GLI3: variants seen among roughly 807,000 people sequenced by gnomAD.
GLI3 encodes GLI family zinc finger 3.
In GLI3, 20 loss-of-function variants were observed where a neutral mutation model predicts 100.8. The ratio of observed to expected loss-of-function variants is 0.20; its 90% CI spans 0.14 to 0.29. GLI3 has a LOEUF of 0.29. GLI3 is among the 10% of genes least tolerant of loss of function. GLI3 has a pLI of 1.00. For missense variants in GLI3, 2,040 were observed against 2,128.5 expected (o/e 0.96, Z 0.82); for synonymous variants, 938 against 860.5 (o/e 1.09, Z -1.58).
chr7:42,004,804 T>G (rs1412710524), intron 10 of GLI3, among the ~76,000 whole-genome samples: 1 of 152,170 alleles, frequency 6.6e-6, no homozygotes, highest in Non-Finnish European at 1.5e-5. Context: ...AGAATGATAT[T>G]CTTTTCAATT....
chr7:42,023,173 A>G (rs1333506494), intron 10 of GLI3, among the ~76,000 whole-genome samples: 1 of 152,216 alleles, frequency 6.6e-6, no homozygotes, highest in African/African-American at 2.4e-5. Flanking sequence ...CCAGCTTACT[A>G]TTACTCAATA....
chr7:42,048,440 G>A, intron 5 of GLI3, 51 bp downstream of exon 5: 1 of 1,185,082 alleles, frequency 8.4e-7, no homozygotes, highest in Non-Finnish European at 1.3e-6. Context: ...CGAGTGAGGA[G>A]CGGGGAGGAG....
intron 1 of GLI3, among the ~76,000 whole-genome samples, chr7:42,258,020 T>A (rs927390661): frequency 3.9e-5 from 6 of 152,212 alleles, no homozygotes; most frequent in African/African-American, 1.4e-4. Flanking sequence ...TTTCTCGTGA[T>A]GTCCTTGTCT....
chr7:42,124,618 T>C (rs951768360), intron 3 of GLI3, among the ~76,000 whole-genome samples: 7 of 152,218 alleles, frequency 4.6e-5, no homozygotes, highest in Admixed American at 4.6e-4. Context: ...AAGTACAGTA[T>C]CATGGAACCA....
chr7:42,262,088 C>T lies in GLI3; in HGVS notation c.-43+1906G>A, dbSNP rs568721741. Among the ~76,000 whole-genome samples, 8 of 150,910 alleles carry T rather than the reference C, an allele frequency of 5.3e-5. No homozygotes were observed. In the South Asian group the frequency reaches 1.7e-3, roughly 32 times the overall value. On this transcript the variant is annotated intron_variant, in intron 1 of 2. Coordinates refer to the GLI3 transcript ENST00000678978. ...TCTCTCTCTCTTTCTTTCTTTTTCTCACTCTCTCAGCCAGGCTGGAGCGCA... is the reference window on the plus strand; with the variant it reads ...TCTCTCTCTCTTTCTTTCTTTTTCTTACTCTCTCAGCCAGGCTGGAGCGCA...
At chr7:41,968,304 G>A (rs1354615171) in intron 13 of GLI3, among the ~76,000 whole-genome samples, 1 of 152,064 alleles carries the variant, frequency 6.6e-6, no homozygotes, top group Non-Finnish European at 1.5e-5. Context: ...TATAAAACAG[G>A]GACCATTTAT....
chr7:42,075,125 C>G (rs969974911), intron 4 of GLI3, among the ~76,000 whole-genome samples: 2 of 152,080 alleles, frequency 1.3e-5, no homozygotes, highest in African/African-American at 4.8e-5. Flanking sequence ...GCCATAGAAC[C>G]AAGACTTGGG....
intron 4 of GLI3, among the ~76,000 whole-genome samples, chr7:42,074,514 G>C (rs1283151494): frequency 6.6e-6 from 1 of 152,236 alleles, no homozygotes; most frequent in African/African-American, 2.4e-5. Flanking sequence ...GAGTCTCTGG[G>C]ACGGCCCTTA....
chr7:42,241,746 A>C (rs1206778506), upstream of GLI3, among the ~76,000 whole-genome samples: 3 of 152,140 alleles, frequency 2.0e-5, no homozygotes, highest in Admixed American at 6.5e-5. Context: ...GACCTCCGCC[A>C]ATCCCACAAG....
intron 2 of GLI3, among the ~76,000 whole-genome samples, chr7:42,173,123 G>A (rs1198863051): frequency 6.6e-6 from 1 of 152,190 alleles, no homozygotes; most frequent in East Asian, 1.9e-4. Flanking sequence ...ACAGGTAGAT[G>A]TACCATAAGT....
At chr7:42,160,374 A>C (rs984373858) in intron 2 of GLI3, among the ~76,000 whole-genome samples, 3 of 152,226 alleles carry the variant, frequency 2.0e-5, no homozygotes, top group African/African-American at 7.2e-5. Flanking sequence ...ATATTTGCAT[A>C]TACATAATGA....
chr7:42,129,159 G>A (rs1786209761), intron 3 of GLI3, among the ~76,000 whole-genome samples: 1 of 152,132 alleles, frequency 6.6e-6, no homozygotes, highest in African/African-American at 2.4e-5. Flanking sequence ...ACTTCTAAGA[G>A]CTTTATTTAT....
chr7:42,161,763 G>C (rs1205839424), intron 2 of GLI3, among the ~76,000 whole-genome samples: 1 of 152,342 alleles, frequency 6.6e-6, no homozygotes, highest in Middle Eastern at 3.4e-3. Flanking sequence ...GATGAAAGAG[G>C]CATATCCAAG....
At chr7:42,157,323 C>A (rs904607750) in intron 2 of GLI3, among the ~76,000 whole-genome samples, 1 of 152,188 alleles carries the variant, frequency 6.6e-6, no homozygotes, top group Non-Finnish European at 1.5e-5. Context: ...AGTGAGTTAG[C>A]CACAAAAGTC....
In GLI3 at chr7:41,978,808, G is replaced by A. The variant is rs370021733; in HGVS notation, c.1498-60C>T. Reference sequence around the variant, plus strand: ...AAACGTATTCATCATTTCTGAAGGCGACAGAAGAAAATGCAGAAAATACCC... The same window carrying A: ...AAACGTATTCATCATTTCTGAAGGCAACAGAAGAAAATGCAGAAAATACCC... On this transcript the variant is annotated intron_variant, in intron 10 of 14. Coordinates refer to ENST00000395925, the MANE Select transcript of GLI3 (RefSeq NM_000168.6). 9.5e-5 allele frequency: 143 copies of A among 1,509,358 alleles called. 1 individual carries two copies. The East Asian group carries it at 2.1e-3, about 22-fold the overall frequency. The allele number at this position is 1,509,358 out of a possible 1,614,324, so 93.5% of individuals were successfully genotyped here.
rs1788818557 is a variant in GLI3 at position 42,237,050 on chromosome 7, G to C, written c.-122C>G. 1 of 149,088 alleles carries C rather than the reference G, an allele frequency of 6.7e-6. No homozygotes were observed. The highest frequency in any genetic ancestry group is 2.4e-5 in the African/African-American group (1 of 41,116). The allele number at this position is 149,088 out of a possible 1,614,324, so 9.2% of individuals were successfully genotyped here. A position where few individuals can be genotyped will look rare whatever the true frequency, so the allele number is the denominator to read the frequency against. ...GCGCAGGCTGGCGGCTCCCCGCTCCGCGCGGCCGCGGGCGGCTACGGCTAC... is the reference window on the plus strand; with the variant it reads ...GCGCAGGCTGGCGGCTCCCCGCTCCCCGCGGCCGCGGGCGGCTACGGCTAC... On this transcript the variant is annotated 5_prime_UTR_variant, in exon 1 of 15. Transcript: ENST00000395925.
At chr7:42,241,162 A>G (rs1292052607), upstream of GLI3, among the ~76,000 whole-genome samples, 1 of 152,178 alleles carries the variant, frequency 6.6e-6, no homozygotes, top group East Asian at 1.9e-4. Context: ...GGGCTCCAAT[A>G]ACGTCTACTG....
intron 10 of GLI3, among the ~76,000 whole-genome samples, chr7:41,981,817 G>A (rs1787675652): frequency 6.6e-6 from 1 of 152,188 alleles, no homozygotes; most frequent in Non-Finnish European, 1.5e-5. Context: ...AGCAGAGAAG[G>A]GAGAACTGGC....
intron 4 of GLI3, among the ~76,000 whole-genome samples, chr7:42,061,349 C>T (rs573412361): frequency 1.3e-5 from 2 of 152,286 alleles, no homozygotes; most frequent in South Asian, 4.2e-4. Context: ...GTATCATCAT[C>T]ATCCTCATCA....
Sources: allele counts gnomAD v4.1 joint callset (sites outside exome capture counted in the v4.1 genomes callset), GRCh38; gene constraint gnomAD v4.1.1; transcripts MANE v1.5; gene names NCBI Gene and HGNC (gene_info 2026-07-23, HGNC 2026-07-21).